The following TFEC variants were observed in gnomAD, a reference collection of about 807,000 sequenced individuals.
TFEC encodes transcription factor EC, also known as class E basic helix-loop-helix protein 34.
Under a neutral mutation model 41.6 loss-of-function variants are expected in TFEC, and 31 were observed. The observed-to-expected ratio is 0.74, with a 90% CI of 0.56 to 1.01. The LOEUF is 1.01. Ranked by LOEUF, TFEC falls within the 50% of genes least tolerant of loss-of-function variation. TFEC has a pLI of 0.00. For missense variants in TFEC, 402 were observed against 404.1 expected (o/e 0.99, Z 0.04); for synonymous variants, 143 against 140.6 (o/e 1.02, Z -0.12).
intron 1 of TFEC, among the ~76,000 whole-genome samples, chr7:116,114,817 G>C (rs1369791037): frequency 6.6e-6 from 1 of 151,954 alleles, no homozygotes; most frequent in Non-Finnish European, 1.5e-5. Context: ...ACAGAAATGT[G>C]AAGGAATCAA....
At chr7:115,961,109 A>C (rs562307377) in intron 3 of TFEC, among the ~76,000 whole-genome samples, 1 of 151,728 alleles carries the variant, frequency 6.6e-6, no homozygotes, top group East Asian at 1.9e-4. Flanking sequence ...AAAAATAATC[A>C]GTAATGCTAC....
At chr7:116,025,946 A>C (rs1053433157) in intron 1 of TFEC, among the ~76,000 whole-genome samples, 1 of 152,240 alleles carries the variant, frequency 6.6e-6, no homozygotes, top group African/African-American at 2.4e-5. Context: ...AATCGGATAC[A>C]GAAACACTCT....
At chr7:116,089,449 A>C (rs1797274116) in intron 3 of TFEC, among the ~76,000 whole-genome samples, 1 of 152,146 alleles carries the variant, frequency 6.6e-6, no homozygotes, top group Admixed American at 6.6e-5. Flanking sequence ...AGACCATTAA[A>C]AAGTTTTTGT....
intron 1 of TFEC, among the ~76,000 whole-genome samples, chr7:116,128,083 G>A (rs532955668): frequency 1.5e-3 from 228 of 152,230 alleles, no homozygotes; most frequent in African/African-American, 5.2e-3. Flanking sequence ...AAACTAACAT[G>A]CTCTCATGTA....
intron 3 of TFEC, among the ~76,000 whole-genome samples, chr7:116,038,034 T>C (rs1273783738): frequency 2.0e-5 from 3 of 152,036 alleles, no homozygotes; most frequent in Non-Finnish European, 4.4e-5. Flanking sequence ...CATCTACTTA[T>C]CATTGCTCTT....
At position 115,941,970 on chromosome 7, in the gene TFEC, G is replaced by A. The variant is rs2130194226; in HGVS notation, c.586C>T (p.Gln196Ter). Residue 196 changes from glutamine (Q) to a stop codon, truncating the protein, a stop_gained, in exon 7 of 8, where the codon CAA (glutamine) becomes TAA (stop). Coordinates refer to ENST00000265440, the MANE Select transcript of TFEC (RefSeq NM_012252.4). LOFTEE classifies it high-confidence loss of function. The stretch of plus-strand genomic sequence containing the variant: ...TGTTCCAATTCTCGGGCTCTCTGTT[G>A]TTCTTTTTGTAGCCACTTGATGTAC... Reference protein sequence around the residue: ...VEYIKWLQKEQQRARELEHRQ... With the variant: ...VEYIKWLQKE 1 of 1,613,010 alleles carries A rather than the reference G, an allele frequency of 6.2e-7. No homozygotes were observed. Among genetic ancestry groups the A allele is most frequent in the Non-Finnish European group, 8.5e-7 (1 of 1,179,380 alleles).
At chr7:116,030,939 G>T, upstream of TFEC, 2 of 572,314 alleles carry the variant, frequency 3.5e-6, no homozygotes, top group Non-Finnish European at 4.4e-6. Flanking sequence ...TTGAGAAAGA[G>T]CACTCCTAGA....
chr7:115,940,587 T>G lies in TFEC; in HGVS notation c.1008A>C (p.Arg336Ser). 6.2e-7 allele frequency: 1 copy of G among 1,613,096 alleles called. No individual in the cohort carries two copies. Among genetic ancestry groups the G allele is most frequent in the Non-Finnish European group, 8.5e-7 (1 of 1,179,464 alleles). The change falls in exon 8 of 8, where the codon AGA becomes AGC. Residue 336 changes from arginine (R) to serine (S), a missense_variant. Coordinates refer to ENST00000265440, the MANE Select transcript of TFEC (RefSeq NM_012252.4). ...CACCATCATCTGAGCTAAAGCTACT[T>G]CTCCTACTGCTTTCTTTGGAAACTG... ...SPAVSKESSR[R>S]SSFSSDDGDE...
In TFEC at chr7:115,950,068, G is replaced by C. The variant is rs922503680; in HGVS notation, c.515+806C>G. ...GCTCTGTTGCCCAGGCTGGAGTGCAGTGGCATGATCTTAGCTCAACACAAC... is the reference window on the plus strand; with the variant it reads ...GCTCTGTTGCCCAGGCTGGAGTGCACTGGCATGATCTTAGCTCAACACAAC... On this transcript the variant is annotated intron_variant, in intron 6 of 7. Transcript: ENST00000265440. 6.4e-4 allele frequency among the ~76,000 whole-genome samples: 95 copies of C among 148,058 alleles called. 2 individuals carry two copies. Among genetic ancestry groups the C allele is most frequent in the Non-Finnish European group, 1.8e-4 (12 of 67,542 alleles).
intron 1 of TFEC, among the ~76,000 whole-genome samples, chr7:116,134,323 T>A: frequency 6.6e-6 from 1 of 152,102 alleles, no homozygotes. Context: ...TCTGTTCTCA[T>A]GCTAGATATA....
intron 1 of TFEC, among the ~76,000 whole-genome samples, chr7:116,022,142 T>G (rs1251907440): frequency 6.6e-6 from 1 of 152,074 alleles, no homozygotes. Context: ...AAGGGAGAGA[T>G]AAGGGAATGG....
chr7:116,070,226 AATT>A (rs1342760200), intron 3 of TFEC, among the ~76,000 whole-genome samples: 4 of 151,428 alleles, frequency 2.6e-5, no homozygotes, highest in Non-Finnish European at 5.9e-5. Context: ...CAACCTTGTT[AATT>A]ATTAATAAAA....
chr7:116,086,081 CAT>C (rs1250323386), intron 3 of TFEC, among the ~76,000 whole-genome samples: 1 of 151,692 alleles, frequency 6.6e-6, no homozygotes, highest in African/African-American at 2.4e-5. Context: ...TTCTTTCACA[CAT>C]GATTTATTGA....
At chr7:115,956,550 T>C in intron 4 of TFEC, 129 bp downstream of exon 4, 2 of 524,508 alleles carry the variant, frequency 3.8e-6, no homozygotes, top group East Asian at 3.2e-5. Context: ...AAAGATGAAT[T>C]TACTGTCTGC....
At chr7:116,042,967 A>G (rs1796075696) in intron 3 of TFEC, among the ~76,000 whole-genome samples, 1 of 152,172 alleles carries the variant, frequency 6.6e-6, no homozygotes, top group Non-Finnish European at 1.5e-5. Flanking sequence ...TCACAAATAC[A>G]TGTACTTTTG....
chr7:116,047,311 G>A (rs752226163), intron 3 of TFEC, among the ~76,000 whole-genome samples: 19 of 152,110 alleles, frequency 1.2e-4, no homozygotes, highest in Admixed American at 3.3e-4. Flanking sequence ...CTAATACTGC[G>A]CTTTTCCAAT....
At chr7:116,110,708 C>T in exon 3 of TFEC, 1 of 1,496,882 alleles carries the variant, frequency 6.7e-7, no homozygotes, top group South Asian at 1.4e-5. Context: ...AGATACATAC[C>T]CTGGTAAAGG....
intron 3 of TFEC, among the ~76,000 whole-genome samples, chr7:116,092,224 T>A (rs193274119): frequency 6.6e-6 from 1 of 152,290 alleles, no homozygotes; most frequent in East Asian, 1.9e-4. Context: ...CACATTGCCC[T>A]AAGGTTCAAG....
chr7:116,039,423 G>C (rs941489819), intron 3 of TFEC, among the ~76,000 whole-genome samples: 1 of 96,604 alleles, frequency 1.0e-5, no homozygotes, highest in Non-Finnish European at 2.0e-5. Context: ...AGAAAATTCT[G>C]TGTGTGTGTG....
Sources: gnomAD v4.1 joint callset for allele counts (sites outside exome capture counted in the v4.1 genomes callset) on GRCh38, gnomAD v4.1.1 for gene constraint, MANE v1.5 for transcripts, NCBI Gene and HGNC (gene_info 2026-07-23, HGNC 2026-07-21) for gene names.